Variants in C3orf52 observed in about 807,000 individuals in gnomAD.
The protein encoded by C3orf52 is TPA-induced transmembrane protein.
Under a neutral mutation model 24.8 loss-of-function variants are expected in C3orf52, and 22 were observed. The observed-to-expected ratio is 0.89, with a 90% CI of 0.63 to 1.27. The LOEUF (loss-of-function observed/expected upper bound fraction) is 1.27. C3orf52 is among the 50% of genes most tolerant of loss of function. The pLI is 0.00. For missense variants in C3orf52, 265 were observed against 260.7 expected (o/e 1.02, Z -0.11); for synonymous variants, 93 against 100.2 (o/e 0.93, Z 0.43).
chr3:112,105,635 TG>T (rs1361213530), intron 3 of C3orf52, among the ~76,000 whole-genome samples: 2 of 151,212 alleles, frequency 1.3e-5, no homozygotes, highest in Non-Finnish European at 3.0e-5. Flanking sequence ...AATTCTGACA[TG>T]ATCTGCCTGG....
At chr3:112,092,006 G>GA (rs2073882184) in intron 1 of C3orf52, among the ~76,000 whole-genome samples, 1 of 12,324 alleles carries the variant, frequency 8.1e-5, no homozygotes, top group African/African-American at 1.2e-4. Context: ...TCCATCTCAA[G>GA]AAAAAAAGAA....
chr3:112,127,926 G>C, intron 4 of C3orf52: 2 of 1,054,558 alleles, frequency 1.9e-6, no homozygotes, highest in Non-Finnish European at 2.9e-6. Flanking sequence ...GGCTTCCACT[G>C]TGGCCACAGA....
rs560019177 is a variant in C3orf52, at chr3:112,116,189, C to T, written c.650-453C>T. Among the ~76,000 whole-genome samples, 7 of 152,310 alleles carry T rather than the reference C, an allele frequency of 4.6e-5. No individual in the cohort carries two copies. In the East Asian group the frequency reaches 7.7e-4, roughly 17 times the overall value. On this transcript the variant is annotated intron_variant, in intron 5 of 5. Coordinates refer to ENST00000264848, the MANE Select transcript of C3orf52 (RefSeq NM_024616.3). Reference sequence around the variant, plus strand: ...GGCTGGACTCCTGGTCTGTAGACCCCGGCGGGCTCCCCCTGTGTTGTGTCT... The same window carrying T: ...GGCTGGACTCCTGGTCTGTAGACCCTGGCGGGCTCCCCCTGTGTTGTGTCT...
At chr3:112,124,117 GAGC>G (rs1362995398) in intron 4 of C3orf52, among the ~76,000 whole-genome samples, 3 of 152,184 alleles carry the variant, frequency 2.0e-5, no homozygotes, top group Non-Finnish European at 4.4e-5. Flanking sequence ...TTGGTTATGG[GAGC>G]AGATTTCTCA....
downstream of C3orf52, chr3:112,133,219 T>C: frequency 1.5e-6 from 2 of 1,305,680 alleles, no homozygotes; most frequent in Middle Eastern, 1.9e-4. Flanking sequence ...AAGGGCTGTG[T>C]GGCTCTGGCC....
intron 4 of C3orf52, chr3:112,127,887 C>A: frequency 1.4e-6 from 1 of 723,056 alleles, no homozygotes; most frequent in Non-Finnish European, 2.5e-6. Context: ...CTGATTAACT[C>A]TTAGGTGATT....
intron 3 of C3orf52, among the ~76,000 whole-genome samples, chr3:112,107,959 A>G (rs2074042824): frequency 6.6e-6 from 1 of 152,164 alleles, no homozygotes; most frequent in Non-Finnish European, 1.5e-5. Context: ...TGTTTTTTGT[A>G]TGTTCGACTG....
intron 2 of C3orf52, among the ~76,000 whole-genome samples, chr3:112,096,672 A>G (rs2073929690): frequency 6.6e-6 from 1 of 152,054 alleles, no homozygotes; most frequent in Non-Finnish European, 1.5e-5. Context: ...CAGAACAGAA[A>G]GTTGGGGAGG....
intron 5 of C3orf52, among the ~76,000 whole-genome samples, 174 bp from the exon 6 acceptor site, chr3:112,116,468 G>A (rs1417442525): frequency 1.3e-4 from 20 of 151,762 alleles, no homozygotes; most frequent in Admixed American, 1.2e-3. Flanking sequence ...AATGTATTCA[G>A]AGCGGTGTGT....
intron 2 of C3orf52, among the ~76,000 whole-genome samples, chr3:112,095,596 G>A (rs2073917902): frequency 6.6e-6 from 1 of 152,200 alleles, no homozygotes; most frequent in South Asian, 2.1e-4. Flanking sequence ...TAATATTCAG[G>A]GAAGAATTTT....
At chr3:112,110,976 T>C (rs1360953025) in intron 4 of C3orf52, among the ~76,000 whole-genome samples, 2 of 152,142 alleles carry the variant, frequency 1.3e-5, no homozygotes, top group African/African-American at 4.8e-5. Context: ...TTTGGGAGGC[T>C]GAGGTAGGCA....
chr3:112,121,888 AATGT>A (rs2074207014), downstream of C3orf52: 1 of 152,222 alleles, frequency 6.6e-6, no homozygotes, highest in Non-Finnish European at 1.5e-5. Context: ...AACTAAACAT[AATGT>A]ACCAGGTTCC....
chr3:112,100,548 G>T (rs535805633), intron 2 of C3orf52, among the ~76,000 whole-genome samples: 6 of 152,226 alleles, frequency 3.9e-5, no homozygotes, highest in African/African-American at 1.4e-4. Flanking sequence ...GCTATTATGG[G>T]AGGCCTGTTT....
chr3:112,130,498 A>G, downstream of C3orf52: 1 of 1,613,970 alleles, frequency 6.2e-7, no homozygotes, highest in Non-Finnish European at 8.5e-7. Flanking sequence ...GCATCTCTTG[A>G]GTGTTCTGCT....
intron 4 of C3orf52, among the ~76,000 whole-genome samples, chr3:112,127,578 G>C (rs1480245637): frequency 6.6e-6 from 1 of 152,210 alleles, no homozygotes; most frequent in African/African-American, 2.4e-5. Flanking sequence ...TCAGTCTGGT[G>C]AAGGTCATTA....
chr3:112,133,325 C>T (rs1255069899), downstream of C3orf52: 4 of 559,208 alleles, frequency 7.2e-6, no homozygotes, highest in South Asian at 6.9e-5. Flanking sequence ...TGCAGAATGT[C>T]CTAACATGTC....
chr3:112,134,428 T>G (rs1044951616), downstream of C3orf52: 1 of 152,192 alleles, frequency 6.6e-6, no homozygotes, highest in Non-Finnish European at 1.5e-5. Context: ...AGCCCAAAAG[T>G]GCTCATCGAA....
At chr3:112,131,260 G>C (rs181443382), downstream of C3orf52, among the ~76,000 whole-genome samples, 2 of 152,276 alleles carry the variant, frequency 1.3e-5, no homozygotes, top group Admixed American at 6.5e-5. Flanking sequence ...GAAAAGCTGG[G>C]TTTGCTGCTG....
chr3:112,096,444 G>A (rs2073928030), intron 2 of C3orf52, among the ~76,000 whole-genome samples: 1 of 152,226 alleles, frequency 6.6e-6, no homozygotes, highest in East Asian at 1.9e-4. Context: ...TTTATGGCAT[G>A]TAGATAACGT....
Sources: allele counts gnomAD v4.1 joint callset (sites outside exome capture counted in the v4.1 genomes callset), GRCh38; gene constraint gnomAD v4.1.1; transcripts MANE v1.5; gene names NCBI Gene and HGNC (gene_info 2026-07-23, HGNC 2026-07-21).